Variants in MYOM1 observed in about 807,000 individuals in gnomAD.
MYOM1 encodes the protein myomesin 1.
Under a neutral mutation model 205.3 loss-of-function variants are expected in MYOM1, and 164 were observed. The ratio of observed to expected loss-of-function variants is 0.80; its 90% confidence interval spans 0.70 to 0.91. The LOEUF (loss-of-function observed/expected upper bound fraction) is 0.91, where lower values mean the gene tolerates loss of function less well. Among genes scored for constraint, MYOM1 ranks in the 40% least tolerant of loss-of-function variants. The probability of loss-of-function intolerance (pLI) is 0.00; values close to 1 mark genes in which losing one functional copy is unlikely to be tolerated. For synonymous variants in MYOM1, 772 were observed against 789.4 expected, an observed-to-expected ratio of 0.98 and a Z score of 0.37; for missense variants, 2,011 against 2,127.3, an observed-to-expected ratio of 0.95 and a Z score of 1.08.
At chr18:3,123,881 GT>G (rs1189321585) in intron 19 of MYOM1, among the ~76,000 whole-genome samples, 26 of 150,720 alleles carry the variant, frequency 1.7e-4, no homozygotes, top group East Asian at 9.7e-4. Context: ...GAGTGCAGTG[GT>G]GTGATCTCAG....
At chr18:3,186,598 T>C (rs2080813379) in intron 5 of MYOM1, among the ~76,000 whole-genome samples, 1 of 152,200 alleles carries the variant, frequency 6.6e-6, no homozygotes, top group Admixed American at 6.5e-5. Context: ...GTGCTTATTC[T>C]TTATGGAAAG....
chr18:3,218,395 G>C lies in MYOM1; in HGVS notation c.-29+1408C>G, dbSNP rs376699630. ...TTTAAACTATTTTAAAAGTCAGCAT[G>C]TATTCCCCAGAGAAGAAAACTGAGC... On this transcript the variant is annotated intron_variant, in intron 1 of 37. Transcript: ENST00000356443. 2.0e-5 allele frequency among the ~76,000 whole-genome samples: 3 copies of C among 152,150 alleles called. No homozygotes were observed. The South Asian group carries it at 6.2e-4, about 32-fold the overall frequency.
At chr18:3,114,380 C>CT (rs142123823) in intron 21 of MYOM1, among the ~76,000 whole-genome samples, 8 of 141,390 alleles carry the variant, frequency 5.7e-5, no homozygotes, top group Non-Finnish European at 7.6e-5. Flanking sequence ...TCTATTTTCC[C>CT]TTTTTTTTTT....
chr18:3,134,577 G>A (rs1333551908), intron 16 of MYOM1, 73 bp downstream of exon 16: 28 of 1,450,526 alleles, frequency 1.9e-5, no homozygotes, highest in Non-Finnish European at 2.3e-5. Flanking sequence ...TCCTCCATTG[G>A]ATGTCTGTGT....
intron 2 of MYOM1, among the ~76,000 whole-genome samples, chr18:3,212,164 A>G (rs926543521): frequency 1.3e-5 from 2 of 152,200 alleles, no homozygotes; most frequent in Admixed American, 1.3e-4. Context: ...ACATATTGGC[A>G]TTTTCCCTCC....
rs1247062849 is a variant in MYOM1, at chr18:3,102,583, A to G, written c.3466T>C (p.Leu1156=). Reference sequence around the variant, plus strand: ...GTCATCTTATCACACTCGAAGTTCAATGAAATGACTCCATCATCATCCACA... The same window carrying G: ...GTCATCTTATCACACTCGAAGTTCAGTGAAATGACTCCATCATCATCCACA... ...VNVDDDGVIS[L]NFECDKMTPK... is the part of the protein sequence containing the mutation. Residue 1156 remains leucine (L), a synonymous_variant, in exon 23 of 38, where the codon TTG becomes CTG. Transcript: ENST00000356443. The G allele has an allele frequency of 2.5e-6, 4 of 1,613,804 alleles. No individual in the cohort carries two copies. Among genetic ancestry groups the G allele is most frequent in the East Asian group, 2.2e-5 (1 of 44,884 alleles).
At chr18:3,232,497 C>T in the MYOM1 span, among the ~76,000 whole-genome samples, 1 of 152,014 alleles carries the variant, frequency 6.6e-6, no homozygotes, top group Non-Finnish European at 1.5e-5. Flanking sequence ...CAGTGGAGCC[C>T]GAGAGCACTC....
chr18:3,226,143 GT>G, the MYOM1 span, among the ~76,000 whole-genome samples: 1 of 152,186 alleles, frequency 6.6e-6, no homozygotes, highest in Non-Finnish European at 1.5e-5. This position sits in a 1 kb window ranked among gnomAD's most constrained non-coding sequence, Gnocchi z 4.6. Flanking sequence ...CATACATTAT[GT>G]GGCATTTGCT....
intron 5 of MYOM1, among the ~76,000 whole-genome samples, chr18:3,181,753 G>C (rs956575597): frequency 8.1e-4 from 31 of 38,472 alleles, no homozygotes; most frequent in African/African-American, 3.4e-3. Flanking sequence ...TTTTTTTTTT[G>C]AGACAGGGTC....
At chr18:3,162,256 A>C (rs191083215) in intron 10 of MYOM1, among the ~76,000 whole-genome samples, 5 of 152,284 alleles carry the variant, frequency 3.3e-5, no homozygotes, top group Admixed American at 2.6e-4. Context: ...TAGCCACTTC[A>C]GCCACACCTC....
At chr18:3,078,560 G>C (rs2079046921) in intron 34 of MYOM1, among the ~76,000 whole-genome samples, 2 of 152,088 alleles carry the variant, frequency 1.3e-5, no homozygotes, top group Non-Finnish European at 2.9e-5. Flanking sequence ...CTCCTGAGTA[G>C]TAGGGATTAT....
In MYOM1 at chr18:3,214,937, TGGG is replaced by T. The variant is rs1446389457; in HGVS notation, c.284_286del (p.Ser95_His96delinsTyr). ...TGGAGGAGGGCGTCCGACATACCCA[TGGG>T]AGGAGCCATAATCGTAGGCTGAGGC... On this transcript the variant is annotated inframe_deletion, in exon 2 of 38. Transcript: ENST00000356443. 1.3e-6 allele frequency: 2 copies of T among 1,594,162 alleles called. No individual in the cohort carries two copies. The highest frequency in any genetic ancestry group is 1.3e-5 in the African/African-American group (1 of 74,540).
At chr18:3,206,767 G>C (rs1242543235) in intron 2 of MYOM1, among the ~76,000 whole-genome samples, 1 of 152,120 alleles carries the variant, frequency 6.6e-6, no homozygotes, top group African/African-American at 2.4e-5. Context: ...CAAGTAGAAA[G>C]CTGAAGAGTC....
intron 25 of MYOM1, among the ~76,000 whole-genome samples, chr18:3,096,665 C>A (rs1406155825): frequency 6.6e-6 from 1 of 152,086 alleles, no homozygotes; most frequent in Admixed American, 6.6e-5. Context: ...GACACACCAA[C>A]ATATCTGTAT....
At position 3,067,209 on chromosome 18, in the gene MYOM1, A is replaced by G; in HGVS notation, c.*53T>C. The G allele has an allele frequency of 6.5e-7, 1 of 1,526,964 alleles. No homozygotes were observed. The highest frequency in any genetic ancestry group is 1.2e-5 in the South Asian group (1 of 81,454). The allele number at this position is 1,526,964 out of a possible 1,614,324, so 94.6% of individuals were successfully genotyped here. ...CATGAAGACGTCTCATCCTTAACCC[A>G]AACCATTCACACCCAAGTCACACAG... is the stretch of plus-strand genomic sequence containing the variant. On this transcript the variant is annotated 3_prime_UTR_variant, in exon 38 of 38. Transcript: ENST00000356443.
At chr18:3,151,455 T>TAATAA (rs71366640) in intron 12 of MYOM1, among the ~76,000 whole-genome samples, 2 of 139,242 alleles carry the variant, frequency 1.4e-5, no homozygotes, top group East Asian at 2.0e-4. Flanking sequence ...AAATATAAAA[T>TAATAA]AATAAAATAA....
intron 21 of MYOM1, among the ~76,000 whole-genome samples, chr18:3,113,967 T>C (rs115981116): frequency 0.013 from 1,958 of 152,354 alleles, 30 homozygotes; most frequent in African/African-American, 0.044. Context: ...TCACTATTTA[T>C]GTAGTAATAG....
chr18:3,211,983 T>C lies in MYOM1; in HGVS notation c.290+2951A>G, dbSNP rs552619346. ...AATGCTTTCATTTAGCAGGAAAAAG[T>C]TGCTTCATTTTGAGCAAGCTAAAAT... On this transcript the variant is annotated intron_variant, in intron 2 of 37. Coordinates refer to ENST00000356443, the MANE Select transcript of MYOM1 (RefSeq NM_003803.4). Among the ~76,000 whole-genome samples, 83 of 152,330 alleles carry C rather than the reference T, an allele frequency of 5.4e-4. 2 individuals are homozygous for C. The South Asian group carries it at 7.5e-3, about 14-fold the overall frequency.
At chr18:3,227,555 A>G in the MYOM1 span, among the ~76,000 whole-genome samples, 48 of 152,300 alleles carry the variant, frequency 3.2e-4, no homozygotes, top group Middle Eastern at 3.4e-3. Flanking sequence ...GCGGTGGCTC[A>G]CACCTGTAAT....
Sources: allele counts gnomAD v4.1 joint callset (sites outside exome capture counted in the v4.1 genomes callset), GRCh38; gene constraint gnomAD v4.1.1; non-coding constraint Gnocchi (gnomAD v3.1); transcripts MANE v1.5; gene names NCBI Gene and HGNC (gene_info 2026-07-23, HGNC 2026-07-21).